The following ADCY2 variants were observed in gnomAD, a reference collection of about 807,000 sequenced individuals.
ADCY2 encodes adenylate cyclase 2.
ADCY2 carries 31 observed loss-of-function variants against 125.2 expected under a neutral mutation model. That is an observed-to-expected ratio of 0.25 (90% CI 0.19 to 0.33). The LOEUF (loss-of-function observed/expected upper bound fraction) is 0.33. ADCY2 is among the 10% of genes least tolerant of loss of function. The pLI, the probability that ADCY2 is intolerant of heterozygous loss-of-function variation, is 1.00. For synonymous variants in ADCY2, 512 were observed against 548.4 expected (o/e 0.93, Z 0.93); for missense variants, 904 against 1,418.2 (o/e 0.64, Z 5.82).
chr5:7,571,603 T>C (rs1296443995), intron 3 of ADCY2, among the ~76,000 whole-genome samples: 1 of 152,218 alleles, frequency 6.6e-6, no homozygotes, highest in Non-Finnish European at 1.5e-5. Context: ...GTATTAATTA[T>C]TGCTATGGCC....
intron 2 of ADCY2, among the ~76,000 whole-genome samples, chr5:7,503,489 G>A (rs1743674381): frequency 6.6e-6 from 1 of 152,180 alleles, no homozygotes; most frequent in Non-Finnish European, 1.5e-5. Context: ...AGTCATGTCA[G>A]TTTAATAACT....
intron 1 of ADCY2, among the ~76,000 whole-genome samples, chr5:7,404,324 G>A (rs1379213481): frequency 6.6e-6 from 1 of 151,588 alleles, no homozygotes; most frequent in Non-Finnish European, 1.5e-5. Context: ...TACTTCTTTT[G>A]TGTGTGTTTT....
At chr5:7,664,175 C>T (rs1013736738) in intron 4 of ADCY2, among the ~76,000 whole-genome samples, 7 of 152,078 alleles carry the variant, frequency 4.6e-5, no homozygotes, top group Admixed American at 1.3e-4. Flanking sequence ...GTTTGTAAAG[C>T]CTTCTAATAA....
chr5:7,506,098 A>G (rs1440031806), intron 2 of ADCY2, among the ~76,000 whole-genome samples: 3 of 152,074 alleles, frequency 2.0e-5, no homozygotes, highest in South Asian at 2.1e-4. Flanking sequence ...TTATTTTCCA[A>G]ATTGTTTCAT....
At chr5:7,702,630 A>T (rs961857312) in intron 7 of ADCY2, among the ~76,000 whole-genome samples, 3 of 152,154 alleles carry the variant, frequency 2.0e-5, no homozygotes, top group Admixed American at 2.0e-4. Flanking sequence ...TCTATCACTG[A>T]TGGACATTTG....
chr5:7,817,239 G>A (rs546263046), intron 23 of ADCY2, among the ~76,000 whole-genome samples: 4 of 152,204 alleles, frequency 2.6e-5, no homozygotes, highest in South Asian at 2.1e-4. Flanking sequence ...GCCATCCTGC[G>A]TTGCTGATTC....
chr5:7,478,986 C>A (rs1056432167), intron 2 of ADCY2, among the ~76,000 whole-genome samples: 1 of 152,148 alleles, frequency 6.6e-6, no homozygotes, highest in African/African-American at 2.4e-5. Flanking sequence ...AAATATTTAT[C>A]TTTTATTTTA....
intron 4 of ADCY2, among the ~76,000 whole-genome samples, chr5:7,670,027 A>G (rs1167134451): frequency 2.0e-5 from 3 of 152,244 alleles, no homozygotes; most frequent in Admixed American, 6.5e-5. Flanking sequence ...TGCCTGGCTC[A>G]GGGTAACCAC....
At chr5:7,597,943 T>C (rs555788778) in intron 3 of ADCY2, among the ~76,000 whole-genome samples, 28 of 152,324 alleles carry the variant, frequency 1.8e-4, no homozygotes, top group Middle Eastern at 3.4e-3. Context: ...CAAATTCTAC[T>C]GAAGGAGCTT....
At chr5:7,718,262 C>A (rs1214298093) in intron 12 of ADCY2, among the ~76,000 whole-genome samples, 2 of 151,308 alleles carry the variant, frequency 1.3e-5, no homozygotes, top group East Asian at 2.0e-4. Context: ...CGTTCTCCTG[C>A]CTCAGCCTCC....
At chr5:7,544,133 A>G (rs563673822) in intron 3 of ADCY2, among the ~76,000 whole-genome samples, 1 of 152,044 alleles carries the variant, frequency 6.6e-6, no homozygotes, top group African/African-American at 2.4e-5. Flanking sequence ...CTTCCCCATG[A>G]CAAAGAGCCC....
chr5:7,416,624 C>T (rs1739957736), intron 2 of ADCY2, among the ~76,000 whole-genome samples: 1 of 152,186 alleles, frequency 6.6e-6, no homozygotes, highest in Non-Finnish European at 1.5e-5. Context: ...ACTAACAGAA[C>T]TCATAAGAGA....
chr5:7,722,197 TG>T, intron 12 of ADCY2, among the ~76,000 whole-genome samples: 1 of 152,242 alleles, frequency 6.6e-6, no homozygotes, highest in Admixed American at 6.5e-5. Context: ...AAGCACCACA[TG>T]GGTTCTGGGG....
At position 7,802,112 on chromosome 5, in the gene ADCY2, GGC is replaced by G. The variant is rs2126521551; in HGVS notation, c.2629-104_2629-103del. The G allele has an allele frequency of 7.5e-7, 1 of 1,336,880 alleles. No individual in the cohort carries two copies. The highest frequency in any genetic ancestry group is 1.5e-5 in the African/African-American group (1 of 68,798). The allele number at this position is 1,336,880 out of a possible 1,614,324, so 82.8% of individuals were successfully genotyped here. A position where few individuals can be genotyped will look rare whatever the true frequency, so the allele number is the denominator to read the frequency against. On this transcript the variant is annotated intron_variant, in intron 20 of 24. Transcript: ENST00000338316. The surrounding 1 kb of genome is among the most constrained non-coding windows in gnomAD (Gnocchi z 4.6). ...GTGGGGCAAGTGGAGTAGGCATTTG[GGC>G]GATGTCTGTGTGAATCCTGGCATAA... is the stretch of plus-strand genomic sequence containing the variant.
At chr5:7,627,041 A>G (rs1280087068) in intron 4 of ADCY2, among the ~76,000 whole-genome samples, 1 of 152,208 alleles carries the variant, frequency 6.6e-6, no homozygotes, top group African/African-American at 2.4e-5. Flanking sequence ...ACTTCTGGTT[A>G]GTGTTTATGA....
At chr5:7,772,850 G>T in intron 17 of ADCY2, 82 bp from the exon 18 acceptor site, 1 of 1,370,262 alleles carries the variant, frequency 7.3e-7, no homozygotes, top group South Asian at 1.3e-5. Flanking sequence ...GATGAGATGG[G>T]CGGTGGTCCC....
At chr5:7,757,723 C>T (rs1488621828) in intron 16 of ADCY2, 137 bp downstream of exon 16, 17 of 1,274,950 alleles carry the variant, frequency 1.3e-5, no homozygotes, top group Admixed American at 2.9e-5. Flanking sequence ...TGCTCAGCCC[C>T]GGGGTGAGTC....
At chr5:7,557,192 G>GATATATAGATATATATATATAT (rs1204974635) in intron 3 of ADCY2, among the ~76,000 whole-genome samples, 5 of 80,742 alleles carry the variant, frequency 6.2e-5, no homozygotes, top group Non-Finnish European at 1.1e-4. Context: ...TTATATATGT[G>GATATATAGATATATATATATAT]ATATATATAA....
Position 7,709,265 on chromosome 5 carries a change from G to A in ADCY2, c.1456G>A (p.Ala486Thr). The change falls in exon 10 of 25, where the codon GCC (alanine) becomes ACC (threonine). Residue 486 changes from alanine (A) to threonine (T), a missense_variant. Coordinates refer to ENST00000338316, the MANE Select transcript of ADCY2 (RefSeq NM_020546.3). The surrounding 1 kb of genome is among the most constrained non-coding windows in gnomAD (Gnocchi z 4.4). ...CAGACCTCGCCACACCCTTGATGGA[G>A]CCAAAATGAGGGCCTCGGTCCGCAT... ...LFRPRHTLDGAKMRASVRMTR... is the reference protein window; with the variant it reads ...LFRPRHTLDGTKMRASVRMTR... The A allele has an allele frequency of 1.2e-6, 2 of 1,613,900 alleles. No individual in the cohort carries two copies. Among genetic ancestry groups the A allele is most frequent in the South Asian group, 1.1e-5 (1 of 91,024 alleles).
Sources: gnomAD v4.1 joint callset for allele counts (sites outside exome capture counted in the v4.1 genomes callset) on GRCh38, gnomAD v4.1.1 for gene constraint, Gnocchi (gnomAD v3.1) non-coding constraint, MANE v1.5 for transcripts, NCBI Gene and HGNC (gene_info 2026-07-23, HGNC 2026-07-21) for gene names.